TUBGCP3: variants seen among roughly 807,000 people sequenced by gnomAD.
The protein encoded by TUBGCP3 is gamma-tubulin complex component 3.
In TUBGCP3, 50 loss-of-function variants were observed where a neutral mutation model predicts 123.1. The observed-to-expected ratio is 0.41, with a 90% CI of 0.32 to 0.51. TUBGCP3 has a LOEUF of 0.51. Ranked by LOEUF, TUBGCP3 falls within the 20% of genes least tolerant of loss-of-function variation. The pLI, the probability that TUBGCP3 is intolerant of heterozygous loss-of-function variation, is 0.36. For missense variants in TUBGCP3, 882 were observed against 1,127.0 expected (o/e 0.78, Z 3.11); for synonymous variants, 405 against 413.9 (o/e 0.98, Z 0.26).
intron 1 of TUBGCP3, among the ~76,000 whole-genome samples, chr13:112,574,658 C>T (rs915369025): frequency 1.3e-5 from 2 of 152,204 alleles, no homozygotes; most frequent in African/African-American, 4.8e-5. Flanking sequence ...AGAGTAAGCA[C>T]ACTCCACTAC....
intron 8 of TUBGCP3, among the ~76,000 whole-genome samples, chr13:112,550,096 G>T (rs1879435147): frequency 6.6e-6 from 1 of 151,960 alleles, no homozygotes; most frequent in Admixed American, 6.6e-5. Context: ...CAGTCCTGTG[G>T]CAAGAGCCTT....
rs531115508 is a variant in TUBGCP3, at chr13:112,522,036, A to G, written c.1745+284T>C. On this transcript the variant is annotated intron_variant, in intron 14 of 21. Coordinates refer to ENST00000261965, the MANE Select transcript of TUBGCP3 (RefSeq NM_006322.6). ...GCTAAAGTTAAGTGTGATTTGACCA[A>G]CTCCTCATACATGAAGACTGTAAGC... Among the ~76,000 whole-genome samples the G allele has an allele frequency of 2.9e-4, 44 of 152,308 alleles. No individual in the cohort carries two copies. In the South Asian group the frequency reaches 6.8e-3, roughly 24 times the overall value.
chr13:112,525,169 T>C (rs1198247246), intron 13 of TUBGCP3, among the ~76,000 whole-genome samples: 1 of 152,228 alleles, frequency 6.6e-6, no homozygotes, highest in African/African-American at 2.4e-5. Flanking sequence ...AATAACTTTT[T>C]ATTTTCACTA....
At chr13:112,504,850 C>A in intron 17 of TUBGCP3, 136 bp from the exon 18 acceptor site, 1 of 698,372 alleles carries the variant, frequency 1.4e-6, no homozygotes. Flanking sequence ...TAACAGGAAA[C>A]AACCTCTCCA....
rs982517434 is a variant in TUBGCP3 at position 112,516,558 on chromosome 13, A to G, written c.1968T>C (p.Cys656=). 1.9e-6 allele frequency: 3 copies of G among 1,613,668 alleles called. No individual in the cohort carries two copies. Among genetic ancestry groups the G allele is most frequent in the Admixed American group, 3.3e-5 (2 of 59,944 alleles). ...GPIATVFTRE[C]MSHYLRVFNF... ...TAAATACTCTTAGGTAGTGGCTCAT[A>G]CATTCTCGAGTAAACACCTGGGATA... is the stretch of plus-strand genomic sequence containing the variant. The change falls in exon 17 of 22, where the codon TGT becomes TGC. Residue 656 remains cysteine, a synonymous_variant. Coordinates refer to ENST00000261965, the MANE Select transcript of TUBGCP3 (RefSeq NM_006322.6).
chr13:112,520,209 G>C (rs1379568328), intron 14 of TUBGCP3, among the ~76,000 whole-genome samples, 188 bp from the exon 15 acceptor site: 1 of 152,128 alleles, frequency 6.6e-6, no homozygotes, highest in Non-Finnish European at 1.5e-5. Flanking sequence ...AATTATTGTG[G>C]AGTTACATTT....
chr13:112,549,542 G>T (rs1879378462), intron 8 of TUBGCP3, among the ~76,000 whole-genome samples: 1 of 151,972 alleles, frequency 6.6e-6, no homozygotes, highest in African/African-American at 2.4e-5. Flanking sequence ...TAAATATTCA[G>T]GGTTAAAATG....
At position 112,588,145 on chromosome 13, in the gene TUBGCP3, C is replaced by T. The variant is rs560771695; in HGVS notation, c.-165G>A. On this transcript the variant is annotated 5_prime_UTR_variant, in exon 1 of 22. Coordinates refer to ENST00000261965, the MANE Select transcript of TUBGCP3 (RefSeq NM_006322.6). ...AGGGCGCCATTTTAACGGAACCCGC[C>T]GAAAGCGCGGGCGCTTCCCACAATG... 2.0e-6 allele frequency: 1 copy of T among 508,884 alleles called. No homozygotes were observed. The highest frequency in any genetic ancestry group is 3.2e-6 in the Non-Finnish European group (1 of 312,868). 31.5% of individuals were successfully genotyped at this position (508,884 alleles called of 1,614,324 possible). A position where few individuals can be genotyped will look rare whatever the true frequency, so the allele number is the denominator to read the frequency against.
chr13:112,569,360 C>A, intron 1 of TUBGCP3, 101 bp from the exon 2 acceptor site: 1 of 968,446 alleles, frequency 1.0e-6, no homozygotes, highest in Non-Finnish European at 1.6e-6. Context: ...TAACATCTAT[C>A]TTCCACCTCC....
At position 112,516,500 on chromosome 13, in the gene TUBGCP3, T is replaced by G; in HGVS notation, c.2026A>C (p.Ile676Leu). 1 of 1,613,964 alleles carries G rather than the reference T, an allele frequency of 6.2e-7. No individual in the cohort carries two copies. The highest frequency in any genetic ancestry group is 8.5e-7 in the Non-Finnish European group (1 of 1,179,986). ...FLWRAKRMEY[I>L]LTDIRKGHMC... ...TGTCCCTTCCGTATGTCAGTGAGGA[T>G]GTATTCCATCCGCTTCGCCCTCCAG... Residue 676 changes from isoleucine (I) to leucine (L), a missense_variant, in exon 17 of 22, where the codon ATC becomes CTC. Coordinates refer to ENST00000261965, the MANE Select transcript of TUBGCP3 (RefSeq NM_006322.6).
intron 16 of TUBGCP3, among the ~76,000 whole-genome samples, chr13:112,518,587 C>T (rs1876355133): frequency 6.6e-6 from 1 of 152,130 alleles, no homozygotes; most frequent in African/African-American, 2.4e-5. Context: ...TAAATGAATA[C>T]TAAATACCAA....
At chr13:112,547,851 A>G in intron 9 of TUBGCP3, 99 bp from the exon 10 acceptor site, 12 of 1,304,164 alleles carry the variant, frequency 9.2e-6, no homozygotes, top group Middle Eastern at 2.8e-4. Context: ...GATTATACTC[A>G]TAAAAATGAA....
chr13:112,501,543 C>T (rs556104255), intron 19 of TUBGCP3, among the ~76,000 whole-genome samples: 6 of 152,318 alleles, frequency 3.9e-5, no homozygotes, highest in Non-Finnish European at 8.8e-5. Flanking sequence ...TGCACAGCCT[C>T]CAGCTTCAAG....
chr13:112,558,078 G>C, intron 5 of TUBGCP3, 118 bp downstream of exon 5: 2 of 1,130,120 alleles, frequency 1.8e-6, no homozygotes, highest in East Asian at 2.5e-5. Flanking sequence ...CCAGAACACT[G>C]TCTGGCACGT....
chr13:112,535,649 G>A (rs1877983727), intron 11 of TUBGCP3, among the ~76,000 whole-genome samples: 1 of 152,136 alleles, frequency 6.6e-6, no homozygotes, highest in African/African-American at 2.4e-5. Context: ...AGTTGTGATA[G>A]TTCTTTATGT....
At chr13:112,563,730 C>T (rs1880713734) in intron 3 of TUBGCP3, among the ~76,000 whole-genome samples, 1 of 146,368 alleles carries the variant, frequency 6.8e-6, no homozygotes, top group Non-Finnish European at 1.5e-5. Flanking sequence ...AAAAAATTAG[C>T]CGGGCGTGTT....
intron 1 of TUBGCP3, among the ~76,000 whole-genome samples, chr13:112,573,479 AG>A (rs1181643140): frequency 6.6e-6 from 1 of 152,136 alleles, no homozygotes; most frequent in Non-Finnish European, 1.5e-5. Flanking sequence ...TGAGAAGGGA[AG>A]GGCCTTGGAA....
rs1164698479 is a variant in TUBGCP3, at chr13:112,569,164, T to C, written c.172A>G (p.Ile58Val). The C allele has an allele frequency of 1.2e-6, 2 of 1,614,096 alleles. No individual in the cohort carries two copies. The highest frequency in any genetic ancestry group is 2.2e-5 in the South Asian group (2 of 91,066). ...GAAAAATACGTACGCTCTTTCTTGA[T>C]TTTTTCAGCTACTAAAAATTCATCT... ...ERDEFLVAEK[I>V]KKELIRQRRE... The change falls in exon 2 of 22, where the codon ATC (isoleucine) becomes GTC (valine). Residue 58 changes from isoleucine to valine, a missense_variant. By Grantham distance (29) the Ile-to-Val change is conservative. Around this residue, in one of 3 missense-constraint regions of TUBGCP3, gnomAD observed 713 missense variants for 874.0 expected, o/e 0.82. Transcript: ENST00000261965.
rs1408821367 is a variant in TUBGCP3 at position 112,504,581 on chromosome 13, A to C, written c.2175+45T>G. On this transcript the variant is annotated intron_variant, in intron 18 of 21. Coordinates refer to ENST00000261965, the MANE Select transcript of TUBGCP3 (RefSeq NM_006322.6). ...ATATATATACCATGTAAAAGCCAAGACATGACTTATTTAAACTAAAATCAA... is the reference window on the plus strand; with the variant it reads ...ATATATATACCATGTAAAAGCCAAGCCATGACTTATTTAAACTAAAATCAA... 4 of 1,469,584 alleles carry C rather than the reference A, an allele frequency of 2.7e-6. No individual in the cohort carries two copies. In the East Asian group the frequency reaches 9.1e-5, roughly 33 times the overall value. The allele number at this position is 1,469,584 out of a possible 1,614,324, so 91.0% of individuals were successfully genotyped here.
Sources: allele counts gnomAD v4.1 joint callset (sites outside exome capture counted in the v4.1 genomes callset), GRCh38; gene constraint gnomAD v4.1.1; regional missense constraint gnomAD v4.1.1; transcripts MANE v1.5; gene names NCBI Gene and HGNC (gene_info 2026-07-23, HGNC 2026-07-21).